The following HM13 variants were observed in gnomAD, a reference collection of about 807,000 sequenced individuals.
The protein encoded by HM13 is signal peptide peptidase.
A neutral mutation model predicts 50.0 loss-of-function variants in HM13; 18 were observed. That is an observed-to-expected ratio of 0.36 (90% CI 0.25 to 0.53). HM13 has a LOEUF of 0.53. Among genes scored for constraint, HM13 ranks in the 20% least tolerant of loss-of-function variants. The pLI is 0.90. For synonymous variants in HM13, 197 were observed against 232.6 expected (o/e 0.85, Z 1.39); for missense variants, 393 against 552.4 (o/e 0.71, Z 2.89).
chr20:31,551,742 C>T (rs765674930), intron 7 of HM13, among the ~76,000 whole-genome samples: 63 of 152,138 alleles, frequency 4.1e-4, no homozygotes, highest in Non-Finnish European at 8.1e-4. Context: ...TTGGGGGAGA[C>T]TGGGGGAGAT....
chr20:31,545,348 T>TG (rs1402119683), intron 4 of HM13, among the ~76,000 whole-genome samples: 3 of 146,898 alleles, frequency 2.0e-5, no homozygotes, highest in African/African-American at 8.2e-5. Flanking sequence ...GCATTCAGCA[T>TG]GGTGCCTGGC....
At position 31,543,883 on chromosome 20, in the gene HM13, G is replaced by A. The variant is rs534610891; in HGVS notation, c.366-1064G>A. ...CAGGAGGCGGAGCTTGCCGTGAGCC[G>A]AGATCGCGCCACTGCATTCCAGCCT... On this transcript the variant is annotated intron_variant, in intron 3 of 12. Coordinates refer to ENST00000398174, the MANE Select transcript of HM13 (RefSeq NM_178581.3). Among the ~76,000 whole-genome samples the A allele has an allele frequency of 9.1e-4, 138 of 151,864 alleles. 2 individuals carry two copies. The highest frequency in any genetic ancestry group is 3.2e-3 in the African/African-American group (132 of 41,446).
In HM13 at chr20:31,537,274, C is replaced by T. The variant is rs549708422; in HGVS notation, c.283-905C>T. Among the ~76,000 whole-genome samples, 4 of 152,280 alleles carry T rather than the reference C, an allele frequency of 2.6e-5. No individual in the cohort carries two copies. The South Asian group carries it at 6.2e-4, about 24-fold the overall frequency. ...GCAAGAGCATGTGTGAGCCAAGGCT[C>T]AGGAGACTTGTGGTGGCCACCACGA... is the stretch of plus-strand genomic sequence containing the variant. On this transcript the variant is annotated intron_variant, in intron 2 of 12. Transcript: ENST00000398174.
chr20:31,535,048 T>C (rs574649227), intron 2 of HM13, among the ~76,000 whole-genome samples: 2 of 150,794 alleles, frequency 1.3e-5, no homozygotes, highest in South Asian at 2.1e-4. Flanking sequence ...ATCGTGCCAC[T>C]GCACTCCAGC....
chr20:31,566,032 A>G (rs571601961), intron 10 of HM13, 178 bp from the exon 11 acceptor site: 43 of 490,172 alleles, frequency 8.8e-5, no homozygotes, highest in African/African-American at 7.0e-4. Context: ...CCCTCTCGGG[A>G]GGAGCAACCC....
intron 4 of HM13, 168 bp from the exon 5 acceptor site, chr20:31,548,861 G>C: frequency 1.5e-6 from 1 of 680,352 alleles, no homozygotes; most frequent in East Asian, 2.5e-5. Context: ...GCTCCAGTGA[G>C]CTCTCCCCTT....
Position 31,549,348 on chromosome 20 carries a change from A to T in HM13, c.666+16A>T. The T allele has an allele frequency of 6.2e-7, 1 of 1,614,012 alleles. No individual in the cohort carries two copies. The highest frequency in any genetic ancestry group is 1.1e-5 in the South Asian group (1 of 91,084). On this transcript the variant is annotated intron_variant, in intron 6 of 12. Coordinates refer to ENST00000398174, the MANE Select transcript of HM13 (RefSeq NM_178581.3). The stretch of plus-strand genomic sequence containing the variant: ...TGTCTTCTGGGTGAGTCAGGCAGGG[A>T]TGCCAAGGATGTCTGGCTCCGGGGC...
In HM13 at chr20:31,568,127, T is replaced by A. The variant is rs1258524052; in HGVS notation, c.1084T>A (p.Phe362Ile). 6.2e-7 allele frequency: 1 copy of A among 1,613,078 alleles called. No homozygotes were observed. Among genetic ancestry groups the A allele is most frequent in the Non-Finnish European group, 8.5e-7 (1 of 1,179,856 alleles). ...GCCTCATACCCCGAGGCTCACCCAC[T>A]TCCCCACAGTCTCGGGCTCCCCAGC... ...ILPHTPRLTH[F>I]PTVSGSPASL... is the part of the protein sequence containing the mutation. Residue 362 changes from phenylalanine (F) to isoleucine (I), a missense_variant, in exon 12 of 13, where the codon TTC becomes ATC. By Grantham distance (21) the Phe-to-Ile change is conservative. This residue lies in a region of HM13 where 105 missense variants were observed against 115.9 expected (regional missense o/e 0.91). Transcript: ENST00000398174.
intron 10 of HM13, 53 bp from the exon 11 acceptor site, chr20:31,566,157 C>T: frequency 7.1e-7 from 1 of 1,400,434 alleles, no homozygotes; most frequent in Admixed American, 1.8e-5. Flanking sequence ...TGGGCACGGC[C>T]CTGAGGCAGT....
intron 2 of HM13, chr20:31,527,896 C>CTTTTTTTTTTTTTTTTTTTTTTTTTTGTT (rs79029117): frequency 6.0e-6 from 1 of 166,424 alleles, no homozygotes; most frequent in Non-Finnish European, 1.2e-5. Context: ...TACTAATGGC[C>CTTTTTTTTTTTTTTTTTTTTTTTTTTGTT]TTTTTTTTTT....
At position 31,514,789 on chromosome 20, in the gene HM13, C is replaced by T; in HGVS notation, c.183+55C>T. 2.1e-6 allele frequency: 3 copies of T among 1,437,962 alleles called. No individual in the cohort carries two copies. The highest frequency in any genetic ancestry group is 2.8e-6 in the Non-Finnish European group (3 of 1,086,904). The allele number at this position is 1,437,962 out of a possible 1,614,324, so 89.1% of individuals were successfully genotyped here. On this transcript the variant is annotated intron_variant, in intron 1 of 12. Transcript: ENST00000398174. The surrounding 1 kb of genome is among the most constrained non-coding windows in gnomAD (Gnocchi z 4.3). ...CCACCCCCATACCGAACACGGCCGA[C>T]ATGGACCCTTCCTAGGCGGGACAGA...
Position 31,517,614 on chromosome 20 carries a change from T to G in HM13, c.183+2880T>G, listed in dbSNP as rs573751982. On this transcript the variant is annotated intron_variant, in intron 1 of 12. Transcript: ENST00000398174. ...GGGGCAGCAGTTGTCTCTGCATGGA[T>G]TGGGAGAGTCCAACAGGCAGAGCAG... Among the ~76,000 whole-genome samples, 7 of 152,018 alleles carry G rather than the reference T, an allele frequency of 4.6e-5. No homozygotes were observed. The South Asian group carries it at 1.5e-3, about 32-fold the overall frequency.
intron 2 of HM13, among the ~76,000 whole-genome samples, chr20:31,536,020 C>A (rs1348846752): frequency 6.6e-6 from 1 of 152,232 alleles, no homozygotes; most frequent in Non-Finnish European, 1.5e-5. Context: ...CCTGTCCCCC[C>A]AAGCCCTTGT....
intron 9 of HM13, among the ~76,000 whole-genome samples, chr20:31,560,023 C>A (rs6059982): frequency 0.3 from 46,320 of 152,086 alleles, 11,527 homozygotes; most frequent in African/African-American, 0.69. Flanking sequence ...TGACCTCAGT[C>A]GCTCTTGGTT....
intron 1 of HM13, among the ~76,000 whole-genome samples, chr20:31,523,783 A>G (rs976670000): frequency 1.3e-5 from 2 of 152,200 alleles, no homozygotes; most frequent in Non-Finnish European, 2.9e-5. Context: ...GCAGAAGCCA[A>G]GGGTTGGGAG....
Position 31,569,294 on chromosome 20 carries a change from G to A in HM13, c.*75G>A. On this transcript the variant is annotated 3_prime_UTR_variant, in exon 13 of 13. Coordinates refer to ENST00000398174, the MANE Select transcript of HM13 (RefSeq NM_178581.3). ...GGGCCCACACAGGCGTGCACCGGTA[G>A]AGGGCACAGGAGGCCAAGGGCAGCT... is the stretch of plus-strand genomic sequence containing the variant. 9.9e-7 allele frequency: 1 copy of A among 1,010,766 alleles called. No individual in the cohort carries two copies. The highest frequency in any genetic ancestry group is 1.7e-5 in the African/African-American group (1 of 59,758). The allele number at this position is 1,010,766 out of a possible 1,614,324, so 62.6% of individuals were successfully genotyped here. A position where few individuals can be genotyped will look rare whatever the true frequency, so the allele number is the denominator to read the frequency against.
At chr20:31,521,365 G>T (rs1051548321) in intron 1 of HM13, among the ~76,000 whole-genome samples, 4 of 152,194 alleles carry the variant, frequency 2.6e-5, no homozygotes, top group Admixed American at 2.6e-4. Flanking sequence ...CTCACCAGCT[G>T]TGTGACACTA....
chr20:31,541,377 AG>A (rs1408973065), intron 3 of HM13: 1 of 151,856 alleles, frequency 6.6e-6, no homozygotes, highest in Non-Finnish European at 1.5e-5. Context: ...ACTGCTCGGT[AG>A]GCTGAGGTGG....
chr20:31,546,236 G>C (rs1294645059), intron 4 of HM13, among the ~76,000 whole-genome samples: 1 of 151,462 alleles, frequency 6.6e-6, no homozygotes, highest in Non-Finnish European at 1.5e-5. Context: ...ATTTTTAGTA[G>C]AGACGGGGTT....
Sources: allele counts gnomAD v4.1 joint callset (sites outside exome capture counted in the v4.1 genomes callset), GRCh38; gene constraint gnomAD v4.1.1; regional missense constraint gnomAD v4.1.1; non-coding constraint Gnocchi (gnomAD v3.1); transcripts MANE v1.5; gene names NCBI Gene and HGNC (gene_info 2026-07-23, HGNC 2026-07-21).